ZBTB20: variants seen among roughly 807,000 people sequenced by gnomAD.
ZBTB20 encodes zinc finger and BTB domain-containing protein 20.
A neutral mutation model predicts 56.9 loss-of-function variants in ZBTB20; 9 were observed. The observed-to-expected ratio is 0.16, with a 90% CI of 0.10 to 0.28. The LOEUF (loss-of-function observed/expected upper bound fraction) is 0.28, where lower values mean the gene tolerates loss of function less well. Among genes scored for constraint, ZBTB20 ranks in the 10% least tolerant of loss-of-function variants. ZBTB20 has a pLI of 1.00. For synonymous variants in ZBTB20, 417 were observed against 420.7 expected (o/e 0.99, Z 0.11); for missense variants, 655 against 1,003.0 (o/e 0.65, Z 4.69).
At chr3:114,905,341 C>T (rs1017148926) in intron 3 of ZBTB20, among the ~76,000 whole-genome samples, 1 of 151,814 alleles carries the variant, frequency 6.6e-6, no homozygotes, top group African/African-American at 2.4e-5. Context: ...ATTTTACTGG[C>T]CTGCTTGTAT....
At chr3:115,044,699 A>G (rs1320296286) in intron 2 of ZBTB20, among the ~76,000 whole-genome samples, 1 of 152,244 alleles carries the variant, frequency 6.6e-6, no homozygotes, top group Non-Finnish European at 1.5e-5. Flanking sequence ...TGCCAAGTTT[A>G]AAACATACCT....
chr3:114,369,683 AC>A (rs1368386383), intron 10 of ZBTB20, among the ~76,000 whole-genome samples: 1 of 152,176 alleles, frequency 6.6e-6, no homozygotes, highest in East Asian at 1.9e-4. Flanking sequence ...AACCCTCCCT[AC>A]AAATAATGAA....
intron 1 of ZBTB20, among the ~76,000 whole-genome samples, chr3:115,099,584 T>G (rs2108601047): frequency 6.6e-6 from 1 of 152,304 alleles, no homozygotes; most frequent in African/African-American, 2.4e-5. Context: ...CAACTACCCC[T>G]CACCTTATGT....
At chr3:114,977,977 C>T (rs1440635003) in intron 2 of ZBTB20, among the ~76,000 whole-genome samples, 4 of 142,768 alleles carry the variant, frequency 2.8e-5, no homozygotes. Context: ...TGCCACTGTA[C>T]TCCAGTATGG....
intron 7 of ZBTB20, among the ~76,000 whole-genome samples, chr3:114,456,204 T>C (rs1576853737): frequency 1.4e-5 from 2 of 144,912 alleles, no homozygotes; most frequent in Non-Finnish European, 2.9e-5. Context: ...TATGTATATA[T>C]ATATATATGG....
At chr3:115,116,468 A>T (rs1436708842) in intron 1 of ZBTB20, among the ~76,000 whole-genome samples, 1 of 152,034 alleles carries the variant, frequency 6.6e-6, no homozygotes, top group African/African-American at 2.4e-5. Flanking sequence ...TTGGATATGT[A>T]TATTGAAGCA....
chr3:114,943,526 C>T (rs111994044), intron 3 of ZBTB20, among the ~76,000 whole-genome samples: 3,081 of 145,212 alleles, frequency 0.021, 151 homozygotes, highest in South Asian at 0.036. Context: ...AATCAGAGAA[C>T]TGGGATTTAT....
At chr3:114,758,705 C>G (rs1397749209) in intron 5 of ZBTB20, among the ~76,000 whole-genome samples, 1 of 152,128 alleles carries the variant, frequency 6.6e-6, no homozygotes, top group Non-Finnish European at 1.5e-5. Context: ...AAAATCCTCT[C>G]TCATTCTCAC....
intron 5 of ZBTB20, among the ~76,000 whole-genome samples, chr3:114,795,712 G>A (rs1578904325): frequency 6.6e-6 from 1 of 152,148 alleles, no homozygotes; most frequent in African/African-American, 2.4e-5. Flanking sequence ...CACTTTATGT[G>A]GACCACAGCT....
intron 7 of ZBTB20, among the ~76,000 whole-genome samples, chr3:114,429,638 T>C (rs2089972195): frequency 6.6e-6 from 1 of 152,084 alleles, no homozygotes; most frequent in South Asian, 2.1e-4. Context: ...CTAACACATT[T>C]GTAGTCAGAC....
At chr3:114,564,951 C>T (rs915800877) in intron 6 of ZBTB20, among the ~76,000 whole-genome samples, 12 of 152,152 alleles carry the variant, frequency 7.9e-5, no homozygotes, top group Non-Finnish European at 1.3e-4. Context: ...CTTCTCTTAC[C>T]TAAAATATCT....
At chr3:115,089,227 T>C (rs909088780) in intron 1 of ZBTB20, among the ~76,000 whole-genome samples, 5 of 151,848 alleles carry the variant, frequency 3.3e-5, no homozygotes, top group African/African-American at 1.2e-4. Context: ...TGAACCAGAA[T>C]TCAATCCCAG....
rs2079071596 is a variant in ZBTB20 at position 114,326,559 on chromosome 3, TTGAC to T, written c.*12442_*12445del. The stretch of plus-strand genomic sequence containing the variant: ...TAATACAGTAAGGGTGAGCAGTTAT[TTGAC>T]TGTCCATGGACAGTAACAAATTAAG... On this transcript the variant is annotated 3_prime_UTR_variant, in exon 12 of 12. Coordinates refer to ENST00000675478, the MANE Select transcript of ZBTB20 (RefSeq NM_001348800.3). 6.6e-6 allele frequency: 1 copy of T among 152,142 alleles called. No homozygotes were observed. The highest frequency in any genetic ancestry group is 2.4e-5 in the African/African-American group (1 of 41,418). The allele number at this position is 152,142 out of a possible 1,614,324, so 9.4% of individuals were successfully genotyped here. A position where few individuals can be genotyped will look rare whatever the true frequency, so the allele number is the denominator to read the frequency against.
At chr3:114,835,222 G>A (rs1314126073) in intron 4 of ZBTB20, among the ~76,000 whole-genome samples, 3 of 152,096 alleles carry the variant, frequency 2.0e-5, no homozygotes, top group Admixed American at 1.3e-4. Context: ...AGATGGGAGA[G>A]TTCTTTTTCC....
intron 11 of ZBTB20, among the ~76,000 whole-genome samples, chr3:114,343,315 T>C (rs1041100593): frequency 6.6e-6 from 1 of 152,134 alleles, no homozygotes; most frequent in Non-Finnish European, 1.5e-5. Flanking sequence ...TTCTACTGAT[T>C]TTTTTCCCCT....
At chr3:114,753,538 G>A (rs1186891730) in intron 5 of ZBTB20, among the ~76,000 whole-genome samples, 1 of 151,298 alleles carries the variant, frequency 6.6e-6, no homozygotes, top group Non-Finnish European at 1.5e-5. Flanking sequence ...GAGTTCAAGC[G>A]ATTCTCCTGC....
chr3:114,842,237 C>T (rs1272983328), intron 4 of ZBTB20, among the ~76,000 whole-genome samples: 1 of 152,058 alleles, frequency 6.6e-6, no homozygotes, highest in Admixed American at 6.6e-5. Flanking sequence ...TTGTTGTTAG[C>T]CTGGACTGTT....
At chr3:114,485,041 G>GT (rs2041969288) in intron 7 of ZBTB20, among the ~76,000 whole-genome samples, 1 of 152,158 alleles carries the variant, frequency 6.6e-6, no homozygotes, top group African/African-American at 2.4e-5. Context: ...TTGGAAGATG[G>GT]TAAGGACTCC....
intron 10 of ZBTB20, among the ~76,000 whole-genome samples, chr3:114,353,715 A>G (rs2080924461): frequency 6.6e-6 from 1 of 152,244 alleles, no homozygotes; most frequent in South Asian, 2.1e-4. Context: ...CCATACATAC[A>G]TACCATGATA....
Sources: allele counts gnomAD v4.1 joint callset (sites outside exome capture counted in the v4.1 genomes callset), GRCh38; gene constraint gnomAD v4.1.1; transcripts MANE v1.5; gene names NCBI Gene and HGNC (gene_info 2026-07-23, HGNC 2026-07-21).